Variants in WDR72 observed in about 807,000 individuals in gnomAD.
WDR72 encodes the protein WD repeat domain 72.
A neutral mutation model predicts 124.2 loss-of-function variants in WDR72; 120 were observed. The ratio of observed to expected loss-of-function variants is 0.97; its 90% CI spans 0.83 to 1.12. The LOEUF is 1.12. WDR72 is among the 50% of genes most tolerant of loss of function. The probability of loss-of-function intolerance (pLI) is 0.00; values close to 1 mark genes in which losing one functional copy is unlikely to be tolerated. For synonymous variants in WDR72, 452 were observed against 441.7 expected, an observed-to-expected ratio of 1.02 and a Z score of -0.29; for missense variants, 1,387 against 1,278.8, an observed-to-expected ratio of 1.08 and a Z score of -1.29.
At chr15:53,584,662 A>G (rs1294422676) in intron 18 of WDR72, among the ~76,000 whole-genome samples, 1 of 152,020 alleles carries the variant, frequency 6.6e-6, no homozygotes, top group Non-Finnish European at 1.5e-5. Flanking sequence ...AAATAATTTT[A>G]ATGGTCTCTC....
intron 18 of WDR72, among the ~76,000 whole-genome samples, chr15:53,525,156 T>C (rs74017405): frequency 1.3e-5 from 2 of 152,040 alleles, no homozygotes; most frequent in Non-Finnish European, 2.9e-5. Context: ...TTACAGATTA[T>C]TTTTGAATCC....
At chr15:53,715,115 C>A (rs2017666303) in intron 5 of WDR72, 78 bp downstream of exon 5, 1 of 1,505,034 alleles carries the variant, frequency 6.6e-7, no homozygotes, top group East Asian at 2.4e-5. Flanking sequence ...AATTTCTGCC[C>A]AATAATTTGA....
chr15:53,644,535 T>C (rs1212035342), intron 14 of WDR72, among the ~76,000 whole-genome samples: 1 of 152,110 alleles, frequency 6.6e-6, no homozygotes, highest in Non-Finnish European at 1.5e-5. Context: ...GCCATAAGCA[T>C]ATAGGTGTAT....
intron 14 of WDR72, among the ~76,000 whole-genome samples, chr15:53,625,721 C>T (rs2014178196): frequency 6.6e-6 from 1 of 150,752 alleles, no homozygotes; most frequent in African/African-American, 2.4e-5. Flanking sequence ...AAACCAACGC[C>T]AATGACACGA....
At position 53,615,730 on chromosome 15, in the gene WDR72, C is replaced by T. The variant is rs751371624; in HGVS notation, c.2476G>A (p.Gly826Ser). ...IKHLNILKLQ[G>S]PISLGISLNE... ...AAAGAAATTCCCAAAGAAATAGGAC[C>T]CTGAAGCTTTAAAATATTGAGGTGC... Residue 826 changes from glycine (G) to serine (S), a missense_variant, in exon 15 of 20, where the codon GGT (glycine) becomes AGT (serine). Physicochemically the swap from Gly to Ser is moderately conservative, Grantham distance 56. Transcript: ENST00000360509. The T allele has an allele frequency of 3.1e-6, 5 of 1,613,198 alleles. No homozygotes were observed. The highest frequency in any genetic ancestry group is 4.2e-6 in the Non-Finnish European group (5 of 1,179,588).
In WDR72 at chr15:53,682,568, T is replaced by C. The variant is rs893886691; in HGVS notation, c.1766-16800A>G. Among the ~76,000 whole-genome samples the C allele has an allele frequency of 6.6e-5, 10 of 152,154 alleles. 1 individual carries two copies. Among genetic ancestry groups the C allele is most frequent in the East Asian group, 1.9e-4 (1 of 5,194 alleles). On this transcript the variant is annotated intron_variant, in intron 13 of 19. Coordinates refer to ENST00000360509, the MANE Select transcript of WDR72 (RefSeq NM_182758.4). ...TGCATAAAACTGAATGTTTTCAGAA[T>C]AATCCAGGTCACCTCTTGAATGCTT...
chr15:53,726,591 C>T (rs1046351067), intron 2 of WDR72, among the ~76,000 whole-genome samples: 1 of 151,948 alleles, frequency 6.6e-6, no homozygotes, highest in Non-Finnish European at 1.5e-5. Context: ...TTTATAATCC[C>T]AGCACTTTGG....
chr15:53,740,019 AACATTAC>A (rs1302363532), intron 1 of WDR72, among the ~76,000 whole-genome samples: 2 of 152,234 alleles, frequency 1.3e-5, no homozygotes, highest in Non-Finnish European at 2.9e-5. Flanking sequence ...TGTAATGATT[AACATTAC>A]ACTAAGGGAT....
intron 12 of WDR72, 76 bp from the exon 13 acceptor site, chr15:53,700,021 C>T: frequency 6.3e-7 from 1 of 1,575,752 alleles, no homozygotes; most frequent in South Asian, 1.1e-5. Context: ...TTTTTTCTCC[C>T]AGTAACATAA....
chr15:53,683,280 T>G (rs1490919222), intron 13 of WDR72, among the ~76,000 whole-genome samples: 1 of 152,100 alleles, frequency 6.6e-6, no homozygotes, highest in Non-Finnish European at 1.5e-5. Flanking sequence ...GGCATCAGAA[T>G]AGGGTGACTA....
At chr15:53,525,047 T>C (rs561052753) in intron 18 of WDR72, among the ~76,000 whole-genome samples, 83 of 152,178 alleles carry the variant, frequency 5.5e-4, no homozygotes, top group African/African-American at 1.8e-3. Flanking sequence ...AATGGTGATG[T>C]GGGTTAGTTT....
chr15:53,612,102 T>C (rs1386383154), intron 16 of WDR72, among the ~76,000 whole-genome samples: 1 of 152,166 alleles, frequency 6.6e-6, no homozygotes, highest in African/African-American at 2.4e-5. Flanking sequence ...GAGCTGGATC[T>C]TGAATCTCAG....
At chr15:53,562,992 C>T (rs1894177747) in intron 18 of WDR72, among the ~76,000 whole-genome samples, 1 of 151,738 alleles carries the variant, frequency 6.6e-6, no homozygotes, top group South Asian at 2.1e-4. Context: ...TTATAAACTG[C>T]AGTGTCTGAA....
At chr15:53,762,068 A>C (rs74752562), upstream of WDR72, among the ~76,000 whole-genome samples, 1,215 of 151,916 alleles carry the variant, frequency 8.0e-3, 16 homozygotes, top group African/African-American at 0.028. Flanking sequence ...TCCAAATCCT[A>C]TTGGCTCCTT....
At chr15:53,663,890 A>G (rs983469589) in intron 14 of WDR72, among the ~76,000 whole-genome samples, 2 of 151,942 alleles carry the variant, frequency 1.3e-5, no homozygotes, top group Admixed American at 6.6e-5. Flanking sequence ...ATGCATCTCT[A>G]TAACTGTCCT....
intron 13 of WDR72, among the ~76,000 whole-genome samples, chr15:53,673,664 T>C (rs182298107): frequency 9.4e-4 from 143 of 152,200 alleles, no homozygotes; most frequent in Middle Eastern, 3.4e-3. Context: ...TATTATTGGA[T>C]TGTGGAAAAA....
At chr15:53,736,357 G>A (rs924472492) in intron 1 of WDR72, among the ~76,000 whole-genome samples, 1 of 152,146 alleles carries the variant, frequency 6.6e-6, no homozygotes, top group African/African-American at 2.4e-5. Context: ...CATGTAAGGT[G>A]CAGCCTCCAA....
At chr15:53,723,490 C>G (rs374532935) in intron 2 of WDR72, among the ~76,000 whole-genome samples, 65 of 152,246 alleles carry the variant, frequency 4.3e-4, no homozygotes, top group African/African-American at 1.5e-3. Flanking sequence ...GGTATCTGTA[C>G]CCCCATGTTC....
intron 18 of WDR72, among the ~76,000 whole-genome samples, chr15:53,576,388 GAAGT>G (rs988048292): frequency 6.6e-5 from 10 of 152,114 alleles, no homozygotes; most frequent in African/African-American, 2.2e-4. Context: ...TCAGAAAAGA[GAAGT>G]AAGGTATAGA....
Sources: gnomAD v4.1 joint callset for allele counts (sites outside exome capture counted in the v4.1 genomes callset) on GRCh38, gnomAD v4.1.1 for gene constraint, MANE v1.5 for transcripts, NCBI Gene and HGNC (gene_info 2026-07-23, HGNC 2026-07-21) for gene names.